Variants in EXOC4 observed in about 807,000 individuals in gnomAD.
EXOC4 encodes SEC8-like 1.
EXOC4 carries 71 observed loss-of-function variants against 107.2 expected under a neutral mutation model. The ratio of observed to expected loss-of-function variants is 0.66; its 90% confidence interval spans 0.55 to 0.81. EXOC4 has a LOEUF of 0.81. EXOC4 is among the 30% of genes least tolerant of loss of function. The pLI, the probability that EXOC4 is intolerant of heterozygous loss-of-function variation, is 0.00. For synonymous variants in EXOC4, 456 were observed against 441.2 expected (o/e 1.03, Z -0.42); for missense variants, 1,108 against 1,189.6 (o/e 0.93, Z 1.01).
intron 9 of EXOC4, among the ~76,000 whole-genome samples, chr7:133,585,571 A>T (rs1801383565): frequency 6.6e-6 from 1 of 151,816 alleles, no homozygotes; most frequent in Admixed American, 6.6e-5. Context: ...CACTGCAGTG[A>T]GCTGTGACCA....
chr7:133,631,398 T>A (rs1474185461), intron 10 of EXOC4, among the ~76,000 whole-genome samples: 1 of 152,114 alleles, frequency 6.6e-6, no homozygotes, highest in African/African-American at 2.4e-5. Flanking sequence ...CTTACTAAAT[T>A]GATACCATTA....
chr7:134,053,321 T>A (rs887033799), intron 17 of EXOC4, among the ~76,000 whole-genome samples: 3 of 152,054 alleles, frequency 2.0e-5, no homozygotes, highest in Non-Finnish European at 4.4e-5. Flanking sequence ...CTTGTTTATG[T>A]ACTAAATGCT....
chr7:133,725,956 T>A, intron 10 of EXOC4, among the ~76,000 whole-genome samples: 1 of 152,132 alleles, frequency 6.6e-6, no homozygotes, highest in East Asian at 1.9e-4. Context: ...GACTCCACAT[T>A]TGACAAAAAG....
the EXOC4 span, among the ~76,000 whole-genome samples, chr7:134,081,969 AC>A: frequency 1.3e-5 from 2 of 152,196 alleles, no homozygotes; most frequent in Non-Finnish European, 2.9e-5. Context: ...CAGACCCTAC[AC>A]CAAGCATGTT....
chr7:133,475,384 A>C lies in EXOC4; in HGVS notation c.1239A>C (p.Ser413=). Residue 413 remains serine, a synonymous_variant, in exon 8 of 18, where the codon TCA becomes TCC. Transcript: ENST00000253861. ...MKNTRTASEP[S]AQLSYASTGR... ...ATACTCGTACGGCCTCTGAACCATC[A>C]GCTCAACTAAGCTATGCCAGCACTG... 1 of 1,614,052 alleles carries C rather than the reference A, an allele frequency of 6.2e-7. No individual in the cohort carries two copies. Among genetic ancestry groups the C allele is most frequent in the Non-Finnish European group, 8.5e-7 (1 of 1,179,896 alleles).
intron 10 of EXOC4, among the ~76,000 whole-genome samples, chr7:133,644,879 G>A (rs1011642838): frequency 6.6e-6 from 1 of 152,014 alleles, no homozygotes; most frequent in East Asian, 1.9e-4. Flanking sequence ...TCTCTTTTAA[G>A]CATCATTTCC....
chr7:133,315,818 C>G (rs1327647658), intron 4 of EXOC4, among the ~76,000 whole-genome samples: 2 of 152,128 alleles, frequency 1.3e-5, no homozygotes, highest in African/African-American at 2.4e-5. Flanking sequence ...GTGATTTTAA[C>G]AATTGGAAAT....
intron 3 of EXOC4, among the ~76,000 whole-genome samples, chr7:133,294,757 T>G (rs1021915616): frequency 6.6e-6 from 1 of 152,184 alleles, no homozygotes; most frequent in Non-Finnish European, 1.5e-5. Context: ...TGAATAGTTT[T>G]CTAAGATCTT....
At chr7:133,343,282 T>G (rs985833497) in intron 5 of EXOC4, among the ~76,000 whole-genome samples, 11 of 152,200 alleles carry the variant, frequency 7.2e-5, no homozygotes, top group South Asian at 4.2e-4. Context: ...CTGCTGTGAT[T>G]GTTATTGCTC....
chr7:133,988,703 C>G (rs960835492), intron 14 of EXOC4, among the ~76,000 whole-genome samples: 3 of 151,974 alleles, frequency 2.0e-5, no homozygotes, highest in Non-Finnish European at 4.4e-5. Flanking sequence ...TAAGAGCCAT[C>G]AAAGGTGTAG....
At chr7:133,517,534 A>C (rs1467734963) in intron 9 of EXOC4, among the ~76,000 whole-genome samples, 1 of 152,168 alleles carries the variant, frequency 6.6e-6, no homozygotes, top group Non-Finnish European at 1.5e-5. Context: ...ATGGCTGGGG[A>C]GGCCTCACAA....
chr7:133,863,456 C>T (rs529715503), intron 11 of EXOC4, among the ~76,000 whole-genome samples: 3 of 152,228 alleles, frequency 2.0e-5, no homozygotes, highest in African/African-American at 7.2e-5. Flanking sequence ...TAACCATATA[C>T]TGTGGTATTT....
chr7:133,831,227 TGCTGG>T (rs1797804702), intron 11 of EXOC4, among the ~76,000 whole-genome samples: 1 of 152,150 alleles, frequency 6.6e-6, no homozygotes, highest in Admixed American at 6.5e-5. Context: ...CCTCCCAAAG[TGCTGG>T]GATTACAGGT....
chr7:133,691,584 G>C (rs1348494354), intron 10 of EXOC4, among the ~76,000 whole-genome samples: 1 of 152,156 alleles, frequency 6.6e-6, no homozygotes. Flanking sequence ...AGACAGACAT[G>C]ACCTGTGTCT....
At chr7:133,383,852 A>G (rs925472414) in intron 7 of EXOC4, among the ~76,000 whole-genome samples, 13 of 152,178 alleles carry the variant, frequency 8.5e-5, no homozygotes, top group African/African-American at 2.9e-4. Context: ...TTTGCGTGGC[A>G]TCGTGAAGTC....
intron 10 of EXOC4, among the ~76,000 whole-genome samples, chr7:133,705,722 C>T (rs1378898975): frequency 3.9e-5 from 6 of 152,110 alleles, no homozygotes; most frequent in Non-Finnish European, 7.3e-5. Flanking sequence ...GAGATGGCTA[C>T]GAAGTGACTA....
intron 10 of EXOC4, among the ~76,000 whole-genome samples, chr7:133,773,304 C>T (rs1585135027): frequency 6.6e-6 from 1 of 151,928 alleles, no homozygotes; most frequent in Non-Finnish European, 1.5e-5. Flanking sequence ...AAACATGCTT[C>T]CCAAACATGC....
chr7:133,915,617 G>A (rs966506882), intron 12 of EXOC4, among the ~76,000 whole-genome samples: 2 of 152,060 alleles, frequency 1.3e-5, no homozygotes, highest in Non-Finnish European at 2.9e-5. Context: ...AACATTGAGG[G>A]GTACACCTGC....
At chr7:133,417,498 A>C (rs1797506275) in intron 7 of EXOC4, among the ~76,000 whole-genome samples, 1 of 152,218 alleles carries the variant, frequency 6.6e-6, no homozygotes, top group South Asian at 2.1e-4. Flanking sequence ...TTAAGAGCAG[A>C]ATAAATGTAG....
Sources: allele counts gnomAD v4.1 joint callset (sites outside exome capture counted in the v4.1 genomes callset), GRCh38; gene constraint gnomAD v4.1.1; transcripts MANE v1.5; gene names NCBI Gene and HGNC (gene_info 2026-07-23, HGNC 2026-07-21).